DIP2B: variants seen among roughly 807,000 people sequenced by gnomAD.
DIP2B encodes DIP2 acetate--CoA ligase B (putative).
Under a neutral mutation model 198.0 loss-of-function variants are expected in DIP2B, and 76 were observed. The ratio of observed to expected loss-of-function variants is 0.38; its 90% confidence interval spans 0.32 to 0.46. The LOEUF (loss-of-function observed/expected upper bound fraction) is 0.46. DIP2B is among the 20% of genes least tolerant of loss of function. DIP2B has a pLI of 0.99. For missense variants in DIP2B, 1,559 were observed against 1,978.4 expected, an observed-to-expected ratio of 0.79 and a Z score of 4.02; for synonymous variants, 701 against 739.1, an observed-to-expected ratio of 0.95 and a Z score of 0.84.
intron 1 of DIP2B, among the ~76,000 whole-genome samples, chr12:50,560,487 G>A (rs1242981266): frequency 6.6e-6 from 1 of 152,156 alleles, no homozygotes; most frequent in East Asian, 1.9e-4. Flanking sequence ...AGAATCACTT[G>A]AACCTGGGAG....
At position 50,732,441 on chromosome 12, in the gene DIP2B, C is replaced by T; in HGVS notation, c.3886C>T (p.Gln1296Ter). 1 of 1,614,254 alleles carries T rather than the reference C, an allele frequency of 6.2e-7. No individual in the cohort carries two copies. Among genetic ancestry groups the T allele is most frequent in the Non-Finnish European group, 8.5e-7 (1 of 1,180,040 alleles). The change falls in exon 32 of 38, where the codon CAG (glutamine) becomes TAG (stop). Residue 1296 changes from glutamine to a stop codon, truncating the protein, a stop_gained. Transcript: ENST00000301180. LOFTEE classifies it high-confidence loss of function. ...AEERPRVALQ[Q>*]SFSKLFKDIG... ...GGAGAGGCCCCGCGTTGCACTCCAGCAGTCCTTCTCTAAGCTCTTCAAAGA... is the reference window on the plus strand; with the variant it reads ...GGAGAGGCCCCGCGTTGCACTCCAGTAGTCCTTCTCTAAGCTCTTCAAAGA...
Position 50,691,085 on chromosome 12 carries a change from A to G in DIP2B, c.1588A>G (p.Thr530Ala), listed in dbSNP as rs1264182501. The change falls in exon 13 of 38, where the codon ACA becomes GCA. Residue 530 changes from threonine (T) to alanine (A), a missense_variant. Coordinates refer to ENST00000301180, the MANE Select transcript of DIP2B (RefSeq NM_173602.3). ...TSKEGSVMGV[T>A]VSRLAMLSHC... ...CAAAGAAGGGAGTGTAATGGGAGTT[A>G]CAGTATCCCGGCTTGCAATGTTGTC... 1 of 1,614,076 alleles carries G rather than the reference A, an allele frequency of 6.2e-7. No homozygotes were observed. The highest frequency in any genetic ancestry group is 1.3e-5 in the African/African-American group (1 of 75,006).
chr12:50,519,324 C>G (rs757812983), intron 1 of DIP2B, among the ~76,000 whole-genome samples: 9 of 152,102 alleles, frequency 5.9e-5, no homozygotes, highest in Non-Finnish European at 1.2e-4. Flanking sequence ...TCGCCTTAAA[C>G]TCCTGGGCTC....
At chr12:50,602,851 C>CT (rs1958949493) in intron 1 of DIP2B, among the ~76,000 whole-genome samples, 1 of 86,696 alleles carries the variant, frequency 1.2e-5, no homozygotes, top group South Asian at 4.6e-4. Context: ...GAGTGAGACT[C>CT]TGTCTCAAAA....
chr12:50,589,304 C>T (rs1196575341), intron 1 of DIP2B, among the ~76,000 whole-genome samples: 1 of 147,256 alleles, frequency 6.8e-6, no homozygotes, highest in Non-Finnish European at 1.5e-5. Context: ...GCTTGATTCT[C>T]CTGCCTCAGC....
chr12:50,560,050 G>A (rs1380365376), intron 1 of DIP2B, among the ~76,000 whole-genome samples: 1 of 152,096 alleles, frequency 6.6e-6, no homozygotes, highest in African/African-American at 2.4e-5. Flanking sequence ...GCCGAGGTGG[G>A]TGGATCACTT....
At chr12:50,555,771 C>T (rs1449847243) in intron 1 of DIP2B, among the ~76,000 whole-genome samples, 8 of 151,992 alleles carry the variant, frequency 5.3e-5, no homozygotes, top group Admixed American at 1.3e-4. Context: ...TCATGTCCTC[C>T]TCTTACTTCT....
intron 8 of DIP2B, chr12:50,680,007 C>T (rs1425658676): frequency 6.6e-6 from 1 of 151,870 alleles, no homozygotes; most frequent in Non-Finnish European, 1.5e-5. Flanking sequence ...GCCTGTAATC[C>T]CAACACTTTG....
intron 1 of DIP2B, among the ~76,000 whole-genome samples, chr12:50,587,260 C>T (rs1002136758): frequency 6.6e-6 from 1 of 152,296 alleles, no homozygotes; most frequent in South Asian, 2.1e-4. Flanking sequence ...GTCCCCTTTT[C>T]TCTTCTGTGA....
intron 1 of DIP2B, among the ~76,000 whole-genome samples, chr12:50,604,855 A>G (rs1453179662): frequency 2.0e-5 from 3 of 152,190 alleles, no homozygotes; most frequent in Non-Finnish European, 4.4e-5. Flanking sequence ...TTCTATTTAA[A>G]AAGAATATAT....
chr12:50,584,202 A>C (rs1272462631), intron 1 of DIP2B, among the ~76,000 whole-genome samples: 1 of 152,210 alleles, frequency 6.6e-6, no homozygotes, highest in African/African-American at 2.4e-5. Flanking sequence ...TTCCACCTTG[A>C]TATCAGTAAC....
intron 1 of DIP2B, among the ~76,000 whole-genome samples, chr12:50,570,734 A>G (rs1485800804): frequency 6.6e-6 from 1 of 152,246 alleles, no homozygotes; most frequent in East Asian, 1.9e-4. Context: ...ACAACAAACA[A>G]TAAAATAAAG....
chr12:50,694,647 C>T (rs1001924630), intron 14 of DIP2B, among the ~76,000 whole-genome samples: 2 of 127,296 alleles, frequency 1.6e-5, no homozygotes, highest in Non-Finnish European at 1.6e-5. Context: ...TAGTGAAACC[C>T]CTGTCTCTTT....
intron 1 of DIP2B, among the ~76,000 whole-genome samples, chr12:50,526,168 G>A (rs1397140638): frequency 1.3e-5 from 2 of 152,184 alleles, no homozygotes; most frequent in Non-Finnish European, 2.9e-5. Flanking sequence ...TTTGCAGGGA[G>A]AAGATTCCAA....
At chr12:50,669,043 A>AT (rs981982477) in intron 4 of DIP2B, among the ~76,000 whole-genome samples, 28 of 151,024 alleles carry the variant, frequency 1.9e-4, no homozygotes, top group African/African-American at 6.3e-4. Flanking sequence ...CTCCACCCTC[A>AT]TTTTTTTCAT....
At chr12:50,717,009 C>A (rs1259536135) in intron 23 of DIP2B, among the ~76,000 whole-genome samples, 1 of 125,234 alleles carries the variant, frequency 8.0e-6, no homozygotes, top group African/African-American at 2.9e-5. Context: ...GTTGCCCAGG[C>A]TGGAGTACAG....
intron 1 of DIP2B, among the ~76,000 whole-genome samples, chr12:50,519,306 G>T (rs548933346): frequency 1.3e-5 from 2 of 151,874 alleles, no homozygotes; most frequent in Admixed American, 6.6e-5. Flanking sequence ...TCACTGTATT[G>T]CCCAGGTTCG....
At chr12:50,682,560 C>T (rs577361608) in intron 9 of DIP2B, among the ~76,000 whole-genome samples, 70 of 133,410 alleles carry the variant, frequency 5.2e-4, no homozygotes, top group Non-Finnish European at 7.9e-4. Context: ...ACCCAGGAGG[C>T]GGAGCTTGCA....
chr12:50,716,279 A>G (rs1939712580), intron 23 of DIP2B, among the ~76,000 whole-genome samples: 1 of 137,874 alleles, frequency 7.3e-6, no homozygotes, highest in South Asian at 2.4e-4. Context: ...CACTTTGTAG[A>G]CTAAAACTGT....
Sources: gnomAD v4.1 joint callset for allele counts (sites outside exome capture counted in the v4.1 genomes callset) on GRCh38, gnomAD v4.1.1 for gene constraint, MANE v1.5 for transcripts, NCBI Gene and HGNC (gene_info 2026-07-23, HGNC 2026-07-21) for gene names.